The following FNDC3B variants were observed in gnomAD, a reference collection of about 807,000 sequenced individuals.
FNDC3B encodes fibronectin type III domain containing 3B, also known as fibronectin type III domain-containing protein 3B.
FNDC3B carries 12 observed loss-of-function variants against 151.5 expected under a neutral mutation model. That is an observed-to-expected ratio of 0.08 (90% CI 0.05 to 0.13). FNDC3B has a LOEUF of 0.13. FNDC3B is among the 10% of genes least tolerant of loss of function. The pLI is 1.00. For missense variants in FNDC3B, 1,214 were observed against 1,505.3 expected (o/e 0.81, Z 3.20); for synonymous variants, 528 against 549.0 (o/e 0.96, Z 0.54).
chr3:172,250,222 T>C (rs571409854), intron 5 of FNDC3B, among the ~76,000 whole-genome samples: 2 of 152,366 alleles, frequency 1.3e-5, no homozygotes, highest in East Asian at 3.9e-4. Context: ...CACTTTAAAA[T>C]GTGCATAGTA....
At chr3:172,155,184 T>A (rs1332057492) in intron 3 of FNDC3B, among the ~76,000 whole-genome samples, 1 of 152,192 alleles carries the variant, frequency 6.6e-6, no homozygotes, top group Non-Finnish European at 1.5e-5. Context: ...ATAGGGAGAA[T>A]GTGGAGACTG....
At chr3:172,338,747 T>G (rs1733121548) in intron 16 of FNDC3B, among the ~76,000 whole-genome samples, 1 of 152,140 alleles carries the variant, frequency 6.6e-6, no homozygotes, top group Admixed American at 6.5e-5. Context: ...TTTTGTTTTG[T>G]TTTTTGAGAC....
At chr3:172,212,386 A>C (rs2108714349) in intron 3 of FNDC3B, among the ~76,000 whole-genome samples, 1 of 152,180 alleles carries the variant, frequency 6.6e-6, no homozygotes, top group South Asian at 2.1e-4. Context: ...TTTATTTTTT[A>C]CCGCGTTCTT....
chr3:172,260,494 C>A (rs1447833831), intron 6 of FNDC3B, among the ~76,000 whole-genome samples: 3 of 152,238 alleles, frequency 2.0e-5, no homozygotes, highest in East Asian at 1.9e-4. Flanking sequence ...GCTCTTAGTA[C>A]AATTTCAGAC....
chr3:172,285,052 C>A (rs999071080), intron 6 of FNDC3B, among the ~76,000 whole-genome samples: 3 of 151,954 alleles, frequency 2.0e-5, no homozygotes, highest in African/African-American at 7.3e-5. Flanking sequence ...AAGCACTATT[C>A]TTTCATTTCT....
intron 1 of FNDC3B, among the ~76,000 whole-genome samples, chr3:172,068,623 C>T (rs1012089910): frequency 2.0e-5 from 3 of 152,086 alleles, no homozygotes; most frequent in Non-Finnish European, 4.4e-5. Flanking sequence ...TGGGGTTCCA[C>T]CATGTTGGCT....
At chr3:172,060,876 G>A (rs1304449168) in intron 1 of FNDC3B, among the ~76,000 whole-genome samples, 1 of 152,138 alleles carries the variant, frequency 6.6e-6, no homozygotes, top group Non-Finnish European at 1.5e-5. Context: ...TACTATTGGA[G>A]GCATATGGAA....
chr3:172,396,736 G>A (rs1736303805), intron 25 of FNDC3B, among the ~76,000 whole-genome samples: 1 of 152,200 alleles, frequency 6.6e-6, no homozygotes, highest in Admixed American at 6.5e-5. Flanking sequence ...TCCTCATGCG[G>A]ATCTAACACC....
At chr3:172,247,849 T>C (rs1000022053) in intron 5 of FNDC3B, 73 bp downstream of exon 5, 28 of 1,519,450 alleles carry the variant, frequency 1.8e-5, no homozygotes, top group South Asian at 2.3e-5. Flanking sequence ...AGGCGGTCCT[T>C]TGTTTCTTGT....
At chr3:172,287,188 AT>A (rs1011911281) in intron 7 of FNDC3B, among the ~76,000 whole-genome samples, 1 of 152,050 alleles carries the variant, frequency 6.6e-6, no homozygotes, top group Non-Finnish European at 1.5e-5. Flanking sequence ...CTGCTACTGT[AT>A]TTAATATATT....
At chr3:172,211,453 G>T (rs937662842) in intron 3 of FNDC3B, among the ~76,000 whole-genome samples, 1 of 152,152 alleles carries the variant, frequency 6.6e-6, no homozygotes, top group Admixed American at 6.5e-5. Flanking sequence ...TGGACATACA[G>T]AAAATGATAA....
chr3:172,064,223 C>T (rs374128281), intron 1 of FNDC3B, among the ~76,000 whole-genome samples: 7 of 152,134 alleles, frequency 4.6e-5, no homozygotes, highest in African/African-American at 9.7e-5. Context: ...AAGAAGGCAC[C>T]ATCTGTGAAC....
At chr3:172,250,386 T>G (rs1445495932) in intron 5 of FNDC3B, among the ~76,000 whole-genome samples, 1 of 152,222 alleles carries the variant, frequency 6.6e-6, no homozygotes, top group Non-Finnish European at 1.5e-5. Context: ...TCTGTGAGCT[T>G]TGATTATTTT....
chr3:172,072,851 G>A (rs1260278510), intron 1 of FNDC3B, among the ~76,000 whole-genome samples: 1 of 152,212 alleles, frequency 6.6e-6, no homozygotes, highest in African/African-American at 2.4e-5. Context: ...CATTTCAAAT[G>A]ACACTGAGGC....
At chr3:172,047,553 T>G (rs1237711145) in intron 1 of FNDC3B, among the ~76,000 whole-genome samples, 1 of 152,164 alleles carries the variant, frequency 6.6e-6, no homozygotes, top group Non-Finnish European at 1.5e-5. Context: ...CAGAATGCAT[T>G]CACTGATGCT....
chr3:172,196,339 C>A (rs899213035), intron 3 of FNDC3B, among the ~76,000 whole-genome samples: 3 of 151,888 alleles, frequency 2.0e-5, no homozygotes, highest in African/African-American at 7.3e-5. Flanking sequence ...CAGGTGCCTA[C>A]CACCATGCCC....
chr3:172,063,129 A>G (rs900462899), intron 1 of FNDC3B, among the ~76,000 whole-genome samples: 2 of 152,106 alleles, frequency 1.3e-5, no homozygotes, highest in Admixed American at 1.3e-4. Flanking sequence ...CTTTTGAAGC[A>G]AGTCTTGATT....
rs1403977603 is a variant in FNDC3B at position 172,330,747 on chromosome 3, T to C, written c.1554+32T>C. 3 of 1,564,524 alleles carry C rather than the reference T, an allele frequency of 1.9e-6. No homozygotes were observed. In the South Asian group the frequency reaches 3.4e-5, roughly 18 times the overall value. ...TTTACAGATTTTATACTTCTCTGTG[T>C]TTTGTACGAGTCAGTATTATTATAG... On this transcript the variant is annotated intron_variant, in intron 13 of 25. Coordinates refer to ENST00000415807, the MANE Select transcript of FNDC3B (RefSeq NM_022763.4).
chr3:172,073,534 C>T (rs574264994), intron 1 of FNDC3B, among the ~76,000 whole-genome samples: 2 of 152,218 alleles, frequency 1.3e-5, no homozygotes, highest in African/African-American at 4.8e-5. Context: ...GGAGGGGAAA[C>T]CAAATATCAC....
Sources: gnomAD v4.1 joint callset for allele counts (sites outside exome capture counted in the v4.1 genomes callset) on GRCh38, gnomAD v4.1.1 for gene constraint, MANE v1.5 for transcripts, NCBI Gene and HGNC (gene_info 2026-07-23, HGNC 2026-07-21) for gene names.